The following ACOT2 variants were observed in gnomAD, a reference collection of about 807,000 sequenced individuals.
ACOT2 encodes the protein acyl-coenzyme A thioesterase 2, mitochondrial.
A neutral mutation model predicts 20.1 loss-of-function variants in ACOT2; 15 were observed. The ratio of observed to expected loss-of-function variants is 0.75; its 90% CI spans 0.50 to 1.15. The LOEUF (loss-of-function observed/expected upper bound fraction) is 1.15. Among genes scored for constraint, ACOT2 ranks in the 50% most tolerant of loss-of-function variants. The pLI, the probability that ACOT2 is intolerant of heterozygous loss-of-function variation, is 0.00. For synonymous variants in ACOT2, 252 were observed against 268.4 expected, an observed-to-expected ratio of 0.94 and a Z score of 0.60; for missense variants, 479 against 615.3, an observed-to-expected ratio of 0.78 and a Z score of 2.34.
chr14:73,575,175 C>T lies in ACOT2; in HGVS notation c.1114C>T (p.Pro372Ser), dbSNP rs781376792. 3.2e-5 allele frequency: 37 copies of T among 1,144,224 alleles called. No homozygotes were observed. The East Asian group carries it at 6.5e-4, about 20-fold the overall frequency. 70.9% of individuals were successfully genotyped at this position (1,144,224 alleles called of 1,614,324 possible). A position where few individuals can be genotyped will look rare whatever the true frequency, so the allele number is the denominator to read the frequency against. ...LEGPDQKSFI[P>S]VERAESTFLF... ...AGGACCTGACCAGAAGAGCTTCATT[C>T]CTGTGGAAAGGGCAGAGAGCACCTT... The change falls in exon 3 of 3, where the codon CCT (proline) becomes TCT (serine). Residue 372 changes from proline to serine, a missense_variant. Around this residue, in one of 4 missense-constraint regions of ACOT2, gnomAD observed 39 missense variants for 108.0 expected, o/e 0.36. Coordinates refer to ENST00000238651, the MANE Select transcript of ACOT2 (RefSeq NM_006821.6).
chr14:73,571,701 G>T (rs1246319870), intron 1 of ACOT2: 2 of 151,910 alleles, frequency 1.3e-5, no homozygotes, highest in Middle Eastern at 3.2e-3. Flanking sequence ...GCTCATCGCT[G>T]CCGGGGCACT....
intron 1 of ACOT2, among the ~76,000 whole-genome samples, chr14:73,570,975 A>AT (rs1286905402): frequency 2.9e-5 from 4 of 136,574 alleles, no homozygotes; most frequent in African/African-American, 1.1e-4. Context: ...CTAGGAAGCC[A>AT]CTTTTTTTTT....
At chr14:73,574,872 A>C (rs755703503) in intron 2 of ACOT2, 36 bp from the exon 3 acceptor site, 5 of 1,613,254 alleles carry the variant, frequency 3.1e-6, no homozygotes, top group Non-Finnish European at 4.2e-6. Flanking sequence ...TGTTTGTGGA[A>C]TCATTCTTCT....
Position 73,569,447 on chromosome 14 carries a change from G to A in ACOT2, c.207G>A (p.Leu69=), listed in dbSNP as rs1363507464. The A allele has an allele frequency of 1.9e-6, 3 of 1,613,694 alleles. No individual in the cohort carries two copies. The highest frequency in any genetic ancestry group is 1.3e-5 in the African/African-American group (1 of 75,034). ...CTCGGATGGCGGCGACGCTGATCCTGGAGCCTGCGGGCCGCTGCTGCTGGG... is the reference window on the plus strand; with the variant it reads ...CTCGGATGGCGGCGACGCTGATCCTAGAGCCTGCGGGCCGCTGCTGCTGGG... ...VPARMAATLI[L]EPAGRCCWDE... Residue 69 remains leucine, a synonymous_variant, in exon 1 of 3, where the codon CTG becomes CTA. Transcript: ENST00000238651.
chr14:73,569,119 AAGC>A, upstream of ACOT2: 1 of 1,195,782 alleles, frequency 8.4e-7, no homozygotes, highest in Admixed American at 2.2e-5. Context: ...AGGAGACTTT[AAGC>A]AAGTTCCAGT....
chr14:73,572,349 A>G (rs544484011), intron 1 of ACOT2, among the ~76,000 whole-genome samples: 38 of 152,004 alleles, frequency 2.5e-4, no homozygotes, highest in Non-Finnish European at 4.3e-4. Context: ...GAAAAGAAAA[A>G]AAAAGAATCA....
chr14:73,568,166 C>CG (rs1460121833), upstream of ACOT2: 1 of 151,882 alleles, frequency 6.6e-6, no homozygotes, highest in African/African-American at 2.4e-5. Flanking sequence ...TGATTAATGA[C>CG]GTGGGACATG....
At chr14:73,567,849 G>C (rs1889632917), upstream of ACOT2, 2 of 152,096 alleles carry the variant, frequency 1.3e-5, no homozygotes, top group Non-Finnish European at 2.9e-5. Context: ...TTGAAGGTCT[G>C]TGGCTTTACT....
upstream of ACOT2, among the ~76,000 whole-genome samples, chr14:73,568,533 C>T (rs981718570): frequency 6.6e-6 from 1 of 151,766 alleles, no homozygotes; most frequent in African/African-American, 2.4e-5. Flanking sequence ...CCGCTGTACT[C>T]CAGTCTGGCA....
At chr14:73,570,976 C>CTT (rs369680117) in intron 1 of ACOT2, among the ~76,000 whole-genome samples, 1,435 of 74,304 alleles carry the variant, frequency 0.019, 26 homozygotes, top group African/African-American at 0.07. Context: ...TAGGAAGCCA[C>CTT]TTTTTTTTTT....
At chr14:73,571,866 A>G (rs1889759190) in intron 1 of ACOT2, among the ~76,000 whole-genome samples, 2 of 152,144 alleles carry the variant, frequency 1.3e-5, no homozygotes. Flanking sequence ...TGGAAATTTG[A>G]GGTTACTGGA....
Position 73,569,753 on chromosome 14 carries a change from G to C in ACOT2, c.513G>C (p.Leu171=). 1.2e-6 allele frequency: 2 copies of C among 1,609,056 alleles called. No homozygotes were observed. The highest frequency in any genetic ancestry group is 1.7e-6 in the Non-Finnish European group (2 of 1,178,634). The change falls in exon 1 of 3, where the codon CTG becomes CTC. Residue 171 remains leucine, a synonymous_variant. Transcript: ENST00000238651. Reference sequence around the variant, plus strand: ...CCTTGGCCGTGGAGCTGGAGGTGCTGGATGGCCACGACCCCGACCCCGGGC... The same window carrying C: ...CCTTGGCCGTGGAGCTGGAGGTGCTCGATGGCCACGACCCCGACCCCGGGC... ...RTPLAVELEV[L]DGHDPDPGRL... is the part of the protein sequence containing the mutation.
chr14:73,570,680 G>A (rs574328580), intron 1 of ACOT2, among the ~76,000 whole-genome samples: 20 of 152,040 alleles, frequency 1.3e-4, no homozygotes, highest in African/African-American at 4.1e-4. Context: ...CGAGGCCGGC[G>A]GATCACCTGA....
upstream of ACOT2, among the ~76,000 whole-genome samples, chr14:73,568,608 G>A (rs1889646186): frequency 1.3e-5 from 2 of 151,896 alleles, no homozygotes; most frequent in South Asian, 4.2e-4. Context: ...CAATAATTGA[G>A]AAACCAGTAA....
rs187466123 is a variant in ACOT2, at chr14:73,570,172, C to T, written c.643+289C>T. 8.4e-4 allele frequency among the ~76,000 whole-genome samples: 128 copies of T among 151,666 alleles called. 3 individuals carry two copies. Among genetic ancestry groups the T allele is most frequent in the African/African-American group, 2.9e-3 (121 of 41,398 alleles). ...AGAAGGGATGTAGCTTCCAACCTTC[C>T]GGAGGTTAGTGTAAAGAAACAGGAA... On this transcript the variant is annotated intron_variant, in intron 1 of 2. Coordinates refer to ENST00000238651, the MANE Select transcript of ACOT2 (RefSeq NM_006821.6).
Position 73,569,780 on chromosome 14 carries a change from G to A in ACOT2, c.540G>A (p.Arg180=). ...VLDGHDPDPG[R]LLCQTRHERY... is the part of the protein sequence containing the mutation. ...ATGGCCACGACCCCGACCCCGGGCG[G>A]CTGCTGTGCCAGACGCGGCACGAGC... The change falls in exon 1 of 3, where the codon CGG becomes CGA. Residue 180 remains arginine (R), a synonymous_variant. Coordinates refer to ENST00000238651, the MANE Select transcript of ACOT2 (RefSeq NM_006821.6). 6.2e-7 allele frequency: 1 copy of A among 1,605,800 alleles called. No individual in the cohort carries two copies.
At chr14:73,573,956 A>G (rs1247216041) in intron 2 of ACOT2, among the ~76,000 whole-genome samples, 1 of 151,554 alleles carries the variant, frequency 6.6e-6, no homozygotes, top group Non-Finnish European at 1.5e-5. Flanking sequence ...TGAACTCCTG[A>G]CCTCAAATGA....
chr14:73,569,838 C>G lies in ACOT2; in HGVS notation c.598C>G (p.Pro200Ala), dbSNP rs749323077. 3 of 1,604,054 alleles carry G rather than the reference C, an allele frequency of 1.9e-6. No homozygotes were observed. In the Admixed American group the frequency reaches 5.1e-5, roughly 27 times the overall value. Residue 200 changes from proline to alanine, a missense_variant, in exon 1 of 3, where the codon CCG becomes GCG. Pro to Ala is a conservative substitution (Grantham distance 27). Transcript: ENST00000238651. ...CCTCCCGCCCGGGGTGCGGCGCGAGCCGGTGCGCGTGGGCCGGGTGCGAGG... is the reference window on the plus strand; with the variant it reads ...CCTCCCGCCCGGGGTGCGGCGCGAGGCGGTGCGCGTGGGCCGGGTGCGAGG... ...YFLPPGVRRE[P>A]VRVGRVRGTL...
chr14:73,569,879 G>A lies in ACOT2; in HGVS notation c.639G>A (p.Pro213=). 1 of 1,603,462 alleles carries A rather than the reference G, an allele frequency of 6.2e-7. No individual in the cohort carries two copies. The change falls in exon 1 of 3, where the codon CCG becomes CCA. Residue 213 remains proline (P), a synonymous_variant. Coordinates refer to ENST00000238651, the MANE Select transcript of ACOT2 (RefSeq NM_006821.6). ...GGGTGCGAGGCACGCTCTTCCTGCC[G>A]CCAGGTGACTCACCTCCGCTAATTG... The part of the protein sequence containing the change: ...VGRVRGTLFL[P]PEPGPFPGIV...
Sources: allele counts gnomAD v4.1 joint callset (sites outside exome capture counted in the v4.1 genomes callset), GRCh38; gene constraint gnomAD v4.1.1; regional missense constraint gnomAD v4.1.1; transcripts MANE v1.5; gene names NCBI Gene and HGNC (gene_info 2026-07-23, HGNC 2026-07-21).